SPOCK1: variants seen among roughly 807,000 people sequenced by gnomAD.
SPOCK1 encodes testican-1.
A neutral mutation model predicts 55.3 loss-of-function variants in SPOCK1; 23 were observed. That is an observed-to-expected ratio of 0.42 (90% CI 0.30 to 0.59). The LOEUF (loss-of-function observed/expected upper bound fraction) is 0.59, where lower values mean the gene tolerates loss of function less well. Among genes scored for constraint, SPOCK1 ranks in the 20% least tolerant of loss-of-function variants. SPOCK1 has a pLI of 0.22. For missense variants in SPOCK1, 499 were observed against 552.5 expected (o/e 0.90, Z 0.97); for synonymous variants, 226 against 221.0 (o/e 1.02, Z -0.20).
At chr5:137,431,183 T>C (rs948783888) in intron 2 of SPOCK1, among the ~76,000 whole-genome samples, 4 of 152,172 alleles carry the variant, frequency 2.6e-5, no homozygotes, top group Non-Finnish European at 4.4e-5. Flanking sequence ...TCAGACTAGT[T>C]ATTAAGTAAG....
intron 9 of SPOCK1, among the ~76,000 whole-genome samples, chr5:136,984,348 G>C (rs933198553): frequency 6.6e-6 from 1 of 152,094 alleles, no homozygotes; most frequent in Non-Finnish European, 1.5e-5. Flanking sequence ...ATGGCAGGCT[G>C]CTTGGGGAAT....
chr5:137,377,617 G>T (rs1331880263), intron 2 of SPOCK1, among the ~76,000 whole-genome samples: 3 of 152,120 alleles, frequency 2.0e-5, no homozygotes, highest in African/African-American at 7.2e-5. Flanking sequence ...ACTACTTGTG[G>T]AATAATAAAT....
At chr5:137,474,200 C>G (rs1054647344) in intron 2 of SPOCK1, among the ~76,000 whole-genome samples, 1 of 151,754 alleles carries the variant, frequency 6.6e-6, no homozygotes, top group African/African-American at 2.4e-5. Flanking sequence ...CAAATACCAC[C>G]TATACCCCAT....
intron 2 of SPOCK1, among the ~76,000 whole-genome samples, chr5:137,402,024 C>T (rs1751994034): frequency 6.6e-6 from 1 of 152,146 alleles, no homozygotes; most frequent in Admixed American, 6.5e-5. Flanking sequence ...TGAAATGATG[C>T]ATTTATTAGT....
At chr5:137,176,237 C>T (rs1754849144) in intron 3 of SPOCK1, among the ~76,000 whole-genome samples, 1 of 152,186 alleles carries the variant, frequency 6.6e-6, no homozygotes, top group South Asian at 2.1e-4. Context: ...TCCTTAATCA[C>T]ACAAATGGCC....
intron 3 of SPOCK1, among the ~76,000 whole-genome samples, chr5:137,249,781 A>G (rs1756471254): frequency 6.6e-6 from 1 of 152,260 alleles, no homozygotes; most frequent in Admixed American, 6.5e-5. Flanking sequence ...ACACATCCAG[A>G]GGAAATTACA....
At chr5:137,482,597 G>A (rs1753972220) in intron 2 of SPOCK1, among the ~76,000 whole-genome samples, 1 of 152,148 alleles carries the variant, frequency 6.6e-6, no homozygotes, top group East Asian at 1.9e-4. Flanking sequence ...ACCAGGGTGA[G>A]GAACATGCTC....
chr5:137,351,874 G>A (rs1307071772), intron 2 of SPOCK1, among the ~76,000 whole-genome samples: 2 of 152,238 alleles, frequency 1.3e-5, no homozygotes, highest in African/African-American at 4.8e-5. Context: ...GCATGTAGGA[G>A]CATGAATCCC....
intron 2 of SPOCK1, among the ~76,000 whole-genome samples, chr5:137,376,606 G>A (rs1472231170): frequency 1.3e-5 from 2 of 152,168 alleles, no homozygotes; most frequent in Admixed American, 6.5e-5. Flanking sequence ...TTAGCTCCTT[G>A]TAGAAGATTC....
chr5:137,274,800 T>C (rs1757030919), intron 2 of SPOCK1, among the ~76,000 whole-genome samples: 1 of 152,214 alleles, frequency 6.6e-6, no homozygotes, highest in Non-Finnish European at 1.5e-5. Flanking sequence ...CAATGAAATT[T>C]GAAAACTTGA....
At chr5:137,185,340 G>A (rs977601447) in intron 3 of SPOCK1, among the ~76,000 whole-genome samples, 11 of 152,162 alleles carry the variant, frequency 7.2e-5, no homozygotes, top group African/African-American at 2.7e-4. Context: ...AGAAGAACCT[G>A]CCACCAGAAG....
In SPOCK1 at chr5:137,131,990, ATATATATATAT is replaced by A. The variant is rs370515623; in HGVS notation, c.347+8579_347+8589del. ...CCGTCTCAAAAAAAAAAAAAAAAAA[ATATATATATAT>A]ATATATATATATATATATAAAAAAT... is the stretch of plus-strand genomic sequence containing the variant. On this transcript the variant is annotated intron_variant, in intron 4 of 10. Coordinates refer to ENST00000394945, the MANE Select transcript of SPOCK1 (RefSeq NM_004598.4). Among the ~76,000 whole-genome samples, 123 of 25,426 alleles carry A rather than the reference ATATATATATAT, an allele frequency of 4.8e-3. 6 individuals carry two copies. The highest frequency in any genetic ancestry group is 0.017 in the African/African-American group (73 of 4,280). The allele number at this position is 25,426 out of a possible 152,430, so 16.7% of individuals were successfully genotyped here. A position where few individuals can be genotyped will look rare whatever the true frequency, so the allele number is the denominator to read the frequency against.
intron 2 of SPOCK1, among the ~76,000 whole-genome samples, chr5:137,483,324 C>G (rs1284590634): frequency 6.6e-6 from 1 of 152,168 alleles, no homozygotes; most frequent in Non-Finnish European, 1.5e-5. Flanking sequence ...GAGTGAGACT[C>G]CATCCCAGAA....
chr5:136,981,391 C>A (rs1324969073), intron 9 of SPOCK1, among the ~76,000 whole-genome samples: 10 of 152,164 alleles, frequency 6.6e-5, no homozygotes, highest in Admixed American at 4.6e-4. Flanking sequence ...TCATCTTATT[C>A]ACTTTGTGTT....
intron 2 of SPOCK1, among the ~76,000 whole-genome samples, chr5:137,356,958 A>G (rs1342413831): frequency 1.3e-5 from 2 of 149,620 alleles, no homozygotes; most frequent in Admixed American, 1.3e-4. Flanking sequence ...CCAGCTTAAT[A>G]TAGCTATAGG....
chr5:137,229,739 G>A (rs1356198370), intron 3 of SPOCK1, among the ~76,000 whole-genome samples: 1 of 152,030 alleles, frequency 6.6e-6, no homozygotes, highest in African/African-American at 2.4e-5. Flanking sequence ...GGGGGAAGGG[G>A]GTGCACAGAG....
intron 2 of SPOCK1, among the ~76,000 whole-genome samples, chr5:137,463,124 C>G (rs903767842): frequency 8.5e-5 from 13 of 152,152 alleles, no homozygotes; most frequent in African/African-American, 3.1e-4. Flanking sequence ...ATATGGAGCT[C>G]AAAGCCAGGT....
intron 4 of SPOCK1, among the ~76,000 whole-genome samples, chr5:137,139,977 G>A (rs1417267222): frequency 6.6e-6 from 1 of 152,176 alleles, no homozygotes; most frequent in African/African-American, 2.4e-5. Flanking sequence ...ATGGCTTTAA[G>A]GACCCTGAAG....
rs565627368 is a variant in SPOCK1 at position 136,977,909 on chromosome 5, T to C, written c.*745A>G. On this transcript the variant is annotated 3_prime_UTR_variant, in exon 11 of 11. Coordinates refer to ENST00000394945, the MANE Select transcript of SPOCK1 (RefSeq NM_004598.4). ...CTGGACAAGCTGAGAAATTTATCATTGTTTTTCGAGTTTTTAAGATACCCA... is the reference window on the plus strand; with the variant it reads ...CTGGACAAGCTGAGAAATTTATCATCGTTTTTCGAGTTTTTAAGATACCCA... The C allele has an allele frequency of 1.0e-5, 4 of 397,400 alleles. No individual in the cohort carries two copies. The highest frequency in any genetic ancestry group is 4.1e-5 in the African/African-American group (2 of 48,666). The allele number at this position is 397,400 out of a possible 1,614,324, so 24.6% of individuals were successfully genotyped here. A position where few individuals can be genotyped will look rare whatever the true frequency, so the allele number is the denominator to read the frequency against.
Sources: allele counts gnomAD v4.1 joint callset (sites outside exome capture counted in the v4.1 genomes callset), GRCh38; gene constraint gnomAD v4.1.1; transcripts MANE v1.5; gene names NCBI Gene and HGNC (gene_info 2026-07-23, HGNC 2026-07-21).